Variants in MATN3 observed in about 807,000 individuals in gnomAD.
MATN3 encodes matrilin 3.
MATN3 carries 48 observed loss-of-function variants against 45.3 expected under a neutral mutation model. The observed-to-expected ratio is 1.06, with a 90% CI of 0.84 to 1.35. The LOEUF (loss-of-function observed/expected upper bound fraction) is 1.35. Ranked by LOEUF, MATN3 falls within the 40% of genes most tolerant of loss-of-function variation. The probability of loss-of-function intolerance (pLI) is 0.00; values close to 1 mark genes in which losing one functional copy is unlikely to be tolerated. For missense variants in MATN3, 599 were observed against 628.0 expected, an observed-to-expected ratio of 0.95 and a Z score of 0.49; for synonymous variants, 217 against 245.9, an observed-to-expected ratio of 0.88 and a Z score of 1.10.
Position 20,005,964 on chromosome 2 carries a change from C to T in MATN3, c.570G>A (p.Val190=), listed in dbSNP as rs1242661677. The T allele has an allele frequency of 4.3e-6, 7 of 1,613,842 alleles. No homozygotes were observed. The highest frequency in any genetic ancestry group is 1.3e-5 in the African/African-American group (1 of 74,914). ...AREPSSNIPK[V]AIIVTDGRPQ... is the part of the protein sequence containing the mutation. The stretch of plus-strand genomic sequence containing the variant: ...GCCTCCCATCTGTAACAATGATGGC[C>T]ACCTTAGGGATGTTAGAAGAGGGCT... The change falls in exon 2 of 8, where the codon GTG becomes GTA. Residue 190 remains valine (V), a synonymous_variant. Transcript: ENST00000407540.
Position 20,003,598 on chromosome 2 carries a change from G to A in MATN3, c.791-312C>T, listed in dbSNP as rs574620716. Among the ~76,000 whole-genome samples the A allele has an allele frequency of 1.1e-3, 173 of 152,100 alleles. 1 individual carries two copies. The highest frequency in any genetic ancestry group is 2.3e-3 in the East Asian group (12 of 5,184). ...ATTGGATGTTTTATTTGGCTTATCC[G>A]CCTCCCCATGAAAAAAAGATTTGTG... On this transcript the variant is annotated intron_variant, in intron 2 of 7. Transcript: ENST00000407540.
chr2:20,009,503 G>T (rs1265135306), intron 1 of MATN3, among the ~76,000 whole-genome samples: 1 of 152,094 alleles, frequency 6.6e-6, no homozygotes, highest in African/African-American at 2.4e-5. Context: ...AGAGGAGGGA[G>T]AGCATTAGGA....
At chr2:19,993,673 C>A (rs76406844) in intron 7 of MATN3, among the ~76,000 whole-genome samples, 1,661 of 152,258 alleles carry the variant, frequency 0.011, 25 homozygotes, top group African/African-American at 0.038. Flanking sequence ...GAAATTGATT[C>A]TTTCCAATTA....
At position 19,995,178 on chromosome 2, in the gene MATN3, C is replaced by T. The variant is rs541348594; in HGVS notation, c.1295-769G>A. On this transcript the variant is annotated intron_variant, in intron 6 of 7. Transcript: ENST00000407540. This position sits in a 1 kb window ranked among gnomAD's most constrained non-coding sequence, Gnocchi z 4.2. The stretch of plus-strand genomic sequence containing the variant: ...ACCAAAGATGAAAACTAGGGCCAGG[C>T]GCAGTGGCTCACACCTGTAATCCCA... Among the ~76,000 whole-genome samples the T allele has an allele frequency of 3.3e-5, 5 of 152,132 alleles. No individual in the cohort carries two copies. Among genetic ancestry groups the T allele is most frequent in the Non-Finnish European group, 7.3e-5 (5 of 68,038 alleles).
rs1300128855 is a variant in MATN3, at chr2:20,006,299, T to C, written c.235A>G (p.Ser79Gly). 2 of 1,559,812 alleles carry C rather than the reference T, an allele frequency of 1.3e-6. No individual in the cohort carries two copies. Among genetic ancestry groups the C allele is most frequent in the Non-Finnish European group, 1.7e-6 (2 of 1,154,580 alleles). ...ATAAACACCAGGTCCAAGGGTCTGC[T>C]CTTGCAAACACCTGCAAAAGACCAA... ...GRARGAGVCK[S>G]RPLDLVFIID... is the part of the protein sequence containing the mutation. The change falls in exon 2 of 8, where the codon AGC (serine) becomes GGC (glycine). Residue 79 changes from serine to glycine, a missense_variant. Transcript: ENST00000407540.
At chr2:20,011,732 TCA>T (rs1673222806) in intron 1 of MATN3, among the ~76,000 whole-genome samples, 4 of 152,232 alleles carry the variant, frequency 2.6e-5, no homozygotes, top group Admixed American at 2.6e-4. Flanking sequence ...TGATACTGAT[TCA>T]CAGAGTCCCT....
At chr2:19,999,130 T>A (rs900698233) in intron 5 of MATN3, 5 of 152,158 alleles carry the variant, frequency 3.3e-5, no homozygotes, top group East Asian at 1.9e-4. Context: ...TGTTTTTTTT[T>A]AAAATAGATT....
chr2:20,000,667 C>G (rs1672968463), intron 4 of MATN3, 101 bp from the exon 5 acceptor site: 1 of 1,213,234 alleles, frequency 8.2e-7, no homozygotes, highest in East Asian at 2.7e-5. Context: ...ATGAGGAAAA[C>G]TTACTGGAAA....
chr2:19,994,351 T>C lies in MATN3; in HGVS notation c.1353A>G (p.Thr451=), dbSNP rs1672820022. 1.2e-6 allele frequency: 2 copies of C among 1,613,742 alleles called. No individual in the cohort carries two copies. The highest frequency in any genetic ancestry group is 1.7e-6 in the Non-Finnish European group (2 of 1,179,746). Residue 451 remains threonine (T), a synonymous_variant, in exon 7 of 8, where the codon ACA becomes ACG. Transcript: ENST00000407540. ...AGCTGACCTTGTCCTGGAATGCCAG[T>C]GTAGCTTCACATCCACAAGCATCTT... ...STEDACGCEA[T]LAFQDKVSSY... is the part of the protein sequence containing the mutation.
intron 7 of MATN3, among the ~76,000 whole-genome samples, chr2:19,993,680 A>G (rs1454662328): frequency 6.6e-6 from 1 of 152,178 alleles, no homozygotes; most frequent in African/African-American, 2.4e-5. Flanking sequence ...ATTCTTTCCA[A>G]TTATCTGTAC....
intron 2 of MATN3, among the ~76,000 whole-genome samples, chr2:20,005,082 A>T (rs758245038): frequency 1.8e-4 from 27 of 152,338 alleles, no homozygotes; most frequent in Non-Finnish European, 3.1e-4. Context: ...TGGAAGGAGT[A>T]GCAGAGTTAA....
intron 5 of MATN3, 30 bp downstream of exon 5, chr2:20,000,411 G>A (rs2103481351): frequency 6.3e-7 from 1 of 1,581,980 alleles, no homozygotes; most frequent in Non-Finnish European, 8.6e-7. Flanking sequence ...AAAGACCCAA[G>A]TATGAAAGAA....
chr2:20,006,029 C>T lies in MATN3; in HGVS notation c.505G>A (p.Ala169Thr), dbSNP rs1202336432. 6.2e-7 allele frequency: 1 copy of T among 1,614,028 alleles called. No homozygotes were observed. ...GTMSGLAIQTAMDEAFTVEAG... is the reference protein window; with the variant it reads ...GTMSGLAIQTTMDEAFTVEAG... ...TCCACTGTGAAGGCTTCGTCCATTG[C>T]TGTCTGGATGGCTAGGCCTGACATG... is the stretch of plus-strand genomic sequence containing the variant. Residue 169 changes from alanine (A) to threonine (T), a missense_variant, in exon 2 of 8, where the codon GCA becomes ACA. Coordinates refer to ENST00000407540, the MANE Select transcript of MATN3 (RefSeq NM_002381.5).
intron 1 of MATN3, among the ~76,000 whole-genome samples, chr2:20,010,863 T>C (rs914482263): frequency 2.0e-5 from 3 of 152,232 alleles, no homozygotes; most frequent in Non-Finnish European, 4.4e-5. Context: ...TACCTGAGGC[T>C]TGACCATGGT....
chr2:19,994,227 T>C (rs1558369329), intron 7 of MATN3, 72 bp downstream of exon 7: 7 of 911,996 alleles, frequency 7.7e-6, no homozygotes, highest in Non-Finnish European at 1.2e-5. Flanking sequence ...TGGAATGTCT[T>C]AAAGTGTTTG....
chr2:19,994,502 C>T (rs1002436485), intron 6 of MATN3, 93 bp from the exon 7 acceptor site: 7 of 740,558 alleles, frequency 9.5e-6, no homozygotes, highest in Admixed American at 2.7e-5. Flanking sequence ...ATATTTCCAC[C>T]GTTAAGACTT....
chr2:19,999,531 A>G (rs1572382124), intron 5 of MATN3, among the ~76,000 whole-genome samples: 1 of 151,446 alleles, frequency 6.6e-6, no homozygotes, highest in Non-Finnish European at 1.5e-5. Context: ...TAACTTGCTC[A>G]GAGGCAGAAA....
intron 7 of MATN3, 147 bp from the exon 8 acceptor site, chr2:19,993,313 C>A: frequency 1.4e-6 from 1 of 700,832 alleles, no homozygotes; most frequent in South Asian, 1.7e-5. Context: ...AAGTTGAATT[C>A]AGTCTAAAAG....
At chr2:20,009,392 C>T (rs1458640691) in intron 1 of MATN3, among the ~76,000 whole-genome samples, 1 of 151,934 alleles carries the variant, frequency 6.6e-6, no homozygotes, top group Non-Finnish European at 1.5e-5. Context: ...GAAAACCAGA[C>T]ACCACATGTT....
Sources: allele counts gnomAD v4.1 joint callset (sites outside exome capture counted in the v4.1 genomes callset), GRCh38; gene constraint gnomAD v4.1.1; non-coding constraint Gnocchi (gnomAD v3.1); transcripts MANE v1.5; gene names NCBI Gene and HGNC (gene_info 2026-07-23, HGNC 2026-07-21).